MAP4K5: variants seen among roughly 807,000 people sequenced by gnomAD.
MAP4K5 encodes the protein mitogen-activated protein kinase kinase kinase kinase 5, also known as MAPK/ERK kinase kinase kinase 5.
In MAP4K5, 82 loss-of-function variants were observed where a neutral mutation model predicts 135.6. The ratio of observed to expected loss-of-function variants is 0.60; its 90% CI spans 0.51 to 0.73. The LOEUF is 0.73. Among genes scored for constraint, MAP4K5 ranks in the 30% least tolerant of loss-of-function variants. The pLI is 0.00. For missense variants in MAP4K5, 907 were observed against 1,010.9 expected (o/e 0.90, Z 1.39); for synonymous variants, 347 against 335.0 (o/e 1.04, Z -0.39).
Position 50,443,744 on chromosome 14 carries a change from G to T in MAP4K5, c.1464C>A (p.Pro488=). 1 of 1,598,136 alleles carries T rather than the reference G, an allele frequency of 6.3e-7. No homozygotes were observed. The highest frequency in any genetic ancestry group is 8.5e-7 in the Non-Finnish European group (1 of 1,175,694). The part of the protein sequence containing the change: ...FPKPAINGLP[P]TPKVLMGACF... ...TATTCCTTACCAGAACTTTTGGGGT[G>T]GGTGGAAGGCCATTGATGGCTGGTT... The change falls in exon 20 of 33, where the codon CCC becomes CCA. Residue 488 remains proline, a synonymous_variant. Transcript: ENST00000682126.
intron 28 of MAP4K5, among the ~76,000 whole-genome samples, chr14:50,433,081 C>T (rs987656040): frequency 6.6e-6 from 1 of 152,198 alleles, no homozygotes; most frequent in African/African-American, 2.4e-5. Flanking sequence ...AGGTGATCCA[C>T]CCACTTTGGC....
At chr14:50,440,492 A>C in intron 21 of MAP4K5, 51 bp from the exon 22 acceptor site, 1 of 906,944 alleles carries the variant, frequency 1.1e-6, no homozygotes, top group Non-Finnish European at 1.7e-6. Context: ...TTCTGAAATC[A>C]TTCACTAAAA....
At chr14:50,502,007 G>A (rs2037716365) in intron 3 of MAP4K5, among the ~76,000 whole-genome samples, 1 of 152,060 alleles carries the variant, frequency 6.6e-6, no homozygotes, top group Non-Finnish European at 1.5e-5. Context: ...TGGGTCAACT[G>A]ACACACATAT....
At chr14:50,478,375 C>T (rs763928261) in intron 6 of MAP4K5, among the ~76,000 whole-genome samples, 3 of 151,912 alleles carry the variant, frequency 2.0e-5, no homozygotes, top group Non-Finnish European at 4.4e-5. Context: ...CACTGACATT[C>T]TCTATTACTA....
intron 2 of MAP4K5, among the ~76,000 whole-genome samples, chr14:50,516,150 T>C (rs1018587003): frequency 2.0e-5 from 3 of 152,254 alleles, no homozygotes; most frequent in East Asian, 1.9e-4. Flanking sequence ...TCCAGTGCCA[T>C]ACTGTAATCC....
intron 2 of MAP4K5, among the ~76,000 whole-genome samples, chr14:50,523,468 AAG>A (rs1378513785): frequency 6.6e-6 from 1 of 152,096 alleles, no homozygotes; most frequent in Non-Finnish European, 1.5e-5. Context: ...CTCAATAAGA[AAG>A]AGATTTAAGA....
chr14:50,482,754 C>T (rs891613865), intron 5 of MAP4K5: 25 of 170,642 alleles, frequency 1.5e-4, no homozygotes, highest in African/African-American at 3.8e-4. Flanking sequence ...TCCAGCCTGG[C>T]GGCAGAACGA....
chr14:50,447,153 G>A (rs1415912732), intron 16 of MAP4K5, among the ~76,000 whole-genome samples: 1 of 152,094 alleles, frequency 6.6e-6, no homozygotes, highest in Non-Finnish European at 1.5e-5. Context: ...CTCTGTTACA[G>A]TATTTTTTCC....
intron 14 of MAP4K5, among the ~76,000 whole-genome samples, chr14:50,451,419 G>C (rs973174716): frequency 6.6e-6 from 1 of 152,150 alleles, no homozygotes; most frequent in Non-Finnish European, 1.5e-5. Flanking sequence ...TAGTGGCCAA[G>C]CATTTTCCAA....
At chr14:50,483,854 A>G (rs2037306775) in intron 5 of MAP4K5, among the ~76,000 whole-genome samples, 1 of 150,246 alleles carries the variant, frequency 6.7e-6, no homozygotes, top group African/African-American at 2.4e-5. Flanking sequence ...TTATTTATTT[A>G]TTTATTTATT....
At chr14:50,518,830 A>C (rs1566691363) in intron 2 of MAP4K5, among the ~76,000 whole-genome samples, 2 of 152,206 alleles carry the variant, frequency 1.3e-5, no homozygotes, top group African/African-American at 2.4e-5. Context: ...TGGAGGTCTT[A>C]ATGGCAAAGG....
At chr14:50,560,841 G>A (rs978427133) in intron 1 of MAP4K5, among the ~76,000 whole-genome samples, 3 of 152,228 alleles carry the variant, frequency 2.0e-5, no homozygotes, top group Admixed American at 6.5e-5. Flanking sequence ...CCGGACGGAC[G>A]GTAGCAGACC....
chr14:50,482,352 A>G lies in MAP4K5; in HGVS notation c.378+9T>C, dbSNP rs923129635. The G allele has an allele frequency of 2.0e-6, 3 of 1,469,914 alleles. No homozygotes were observed. The highest frequency in any genetic ancestry group is 2.7e-6 in the Non-Finnish European group (3 of 1,105,712). 91.1% of individuals were successfully genotyped at this position (1,469,914 alleles called of 1,614,324 possible). On this transcript the variant is annotated intron_variant, in intron 6 of 32. Coordinates refer to ENST00000682126, the MANE Select transcript of MAP4K5 (RefSeq NM_006575.6). ...TTGCCTTTCTAACTATATTAAGAAA[A>G]TATAGTACCTGTAAGGTTTCTCTGC...
intron 2 of MAP4K5, among the ~76,000 whole-genome samples, chr14:50,525,691 A>G (rs2038249421): frequency 6.6e-6 from 1 of 152,042 alleles, no homozygotes; most frequent in Admixed American, 6.5e-5. Context: ...AAAATAAAAT[A>G]CAGAAATTAA....
chr14:50,550,083 A>G (rs551555576), intron 1 of MAP4K5, among the ~76,000 whole-genome samples: 2 of 152,290 alleles, frequency 1.3e-5, no homozygotes, highest in Non-Finnish European at 2.9e-5. Context: ...GCTGGAGGAT[A>G]AGTGATCCCA....
chr14:50,516,069 T>C (rs2038027877), intron 2 of MAP4K5, among the ~76,000 whole-genome samples: 1 of 152,232 alleles, frequency 6.6e-6, no homozygotes, highest in African/African-American at 2.4e-5. Context: ...CTTCACACTC[T>C]TCACATCTGA....
intron 2 of MAP4K5, among the ~76,000 whole-genome samples, chr14:50,515,702 T>C (rs1380533157): frequency 1.3e-5 from 2 of 152,242 alleles, no homozygotes; most frequent in African/African-American, 4.8e-5. Context: ...CCACTTTTTA[T>C]AAGAACTATT....
intron 11 of MAP4K5, among the ~76,000 whole-genome samples, chr14:50,464,585 G>A (rs1332160203): frequency 6.6e-6 from 1 of 152,164 alleles, no homozygotes; most frequent in East Asian, 1.9e-4. Context: ...AAAGAGGAGG[G>A]AGCAATTTTA....
At position 50,423,144 on chromosome 14, in the gene MAP4K5, A is replaced by G; in HGVS notation, c.2430T>C (p.Val810=). 1 of 1,576,380 alleles carries G rather than the reference A, an allele frequency of 6.3e-7. No homozygotes were observed. The highest frequency in any genetic ancestry group is 8.7e-7 in the Non-Finnish European group (1 of 1,150,808). ...VTQEISDETR[V]FRLLGSDRVV... is the part of the protein sequence containing the mutation. ...ACCTGTCTGATCCTAATAAGCGGAA[A>G]ACTCTTGTTTCATCTGAAATCTCCT... is the stretch of plus-strand genomic sequence containing the variant. Residue 810 remains valine (V), a synonymous_variant, in exon 32 of 33, where the codon GTT becomes GTC. Transcript: ENST00000682126.
Sources: gnomAD v4.1 joint callset for allele counts (sites outside exome capture counted in the v4.1 genomes callset) on GRCh38, gnomAD v4.1.1 for gene constraint, MANE v1.5 for transcripts, NCBI Gene and HGNC (gene_info 2026-07-23, HGNC 2026-07-21) for gene names.